The following MYO1D variants were observed in gnomAD, a reference collection of about 807,000 sequenced individuals.
The protein encoded by MYO1D is unconventional myosin-Id.
In MYO1D, 83 loss-of-function variants were observed where a neutral mutation model predicts 122.0. The ratio of observed to expected loss-of-function variants is 0.68; its 90% CI spans 0.57 to 0.82. MYO1D has a LOEUF of 0.82. Among genes scored for constraint, MYO1D ranks in the 40% least tolerant of loss-of-function variants. MYO1D has a pLI of 0.00. For missense variants in MYO1D, 1,157 were observed against 1,269.5 expected (o/e 0.91, Z 1.35); for synonymous variants, 464 against 446.9 (o/e 1.04, Z -0.48).
intron 1 of MYO1D, among the ~76,000 whole-genome samples, chr17:32,854,408 T>C (rs545452265): frequency 6.6e-6 from 1 of 152,230 alleles, no homozygotes; most frequent in East Asian, 1.9e-4. Flanking sequence ...AAAAGCAAAG[T>C]TCCACCTGAA....
intron 14 of MYO1D, among the ~76,000 whole-genome samples, chr17:32,730,005 G>A (rs984181323): frequency 1.3e-5 from 2 of 151,984 alleles, no homozygotes; most frequent in South Asian, 2.1e-4. Context: ...TACATTCAAT[G>A]TAATTACTAA....
intron 1 of MYO1D, among the ~76,000 whole-genome samples, chr17:32,837,844 G>A (rs561794502): frequency 3.3e-5 from 5 of 152,176 alleles, no homozygotes; most frequent in African/African-American, 7.2e-5. Flanking sequence ...TAGTAAAATC[G>A]AAATTACTTT....
intron 1 of MYO1D, among the ~76,000 whole-genome samples, chr17:32,815,976 C>T (rs562493957): frequency 3.9e-4 from 59 of 152,162 alleles, no homozygotes; most frequent in Non-Finnish European, 7.8e-4. Context: ...ATCCTTTATC[C>T]ATGGTAACCT....
rs985723459 is a variant in MYO1D at position 32,876,795 on chromosome 17, C to T, written c.78G>A (p.Met26Ile). 13 of 1,517,266 alleles carry T rather than the reference C, an allele frequency of 8.6e-6. No homozygotes were observed. Among genetic ancestry groups the T allele is most frequent in the Non-Finnish European group, 1.1e-5 (12 of 1,132,850 alleles). The allele number at this position is 1,517,266 out of a possible 1,614,324, so 94.0% of individuals were successfully genotyped here. A position where few individuals can be genotyped will look rare whatever the true frequency, so the allele number is the denominator to read the frequency against. Residue 26 changes from methionine to isoleucine, a missense_variant, in exon 1 of 22, where the codon ATG becomes ATA. Met to Ile is a conservative substitution (Grantham distance 10). Transcript: ENST00000318217. ...GCCCTCACCTGAGCCTGAGGTTGGC[C>T]ATGAACTCGGGCATGGAGACGGTGT... ...LMDTVSMPEF[M>I]ANLRLRFEKG...
chr17:32,790,274 T>C (rs2090336734), intron 1 of MYO1D, among the ~76,000 whole-genome samples: 1 of 152,220 alleles, frequency 6.6e-6, no homozygotes, highest in African/African-American at 2.4e-5. Flanking sequence ...GAAACTTTAA[T>C]CTCAAGCCAA....
intron 1 of MYO1D, among the ~76,000 whole-genome samples, chr17:32,815,264 A>C (rs1301252303): frequency 6.6e-6 from 1 of 152,232 alleles, no homozygotes; most frequent in African/African-American, 2.4e-5. Flanking sequence ...TAAGAGATCC[A>C]TTTTGCTACA....
chr17:32,758,935 T>TTA (rs1225179107), intron 10 of MYO1D, among the ~76,000 whole-genome samples: 2 of 152,158 alleles, frequency 1.3e-5, no homozygotes, highest in Non-Finnish European at 2.9e-5. Flanking sequence ...ACTGCATTAC[T>TTA]TACCCTGTTG....
chr17:32,779,664 GT>G (rs1341174026), intron 2 of MYO1D, among the ~76,000 whole-genome samples: 1 of 151,934 alleles, frequency 6.6e-6, no homozygotes, highest in Non-Finnish European at 1.5e-5. Context: ...TCATATAATT[GT>G]TTTTATTCTC....
At chr17:32,654,644 T>G (rs1451490362) in intron 17 of MYO1D, 23 bp from the exon 18 acceptor site, 1 of 1,554,190 alleles carries the variant, frequency 6.4e-7, no homozygotes, top group East Asian at 2.3e-5. Context: ...AGACAACATG[T>G]ATTAGACTTT....
chr17:32,541,785 C>G (rs1447937647), intron 21 of MYO1D, among the ~76,000 whole-genome samples: 1 of 152,150 alleles, frequency 6.6e-6, no homozygotes, highest in Non-Finnish European at 1.5e-5. Context: ...TAGGACTAGG[C>G]CCCTGCCTAT....
chr17:32,764,443 G>C (rs1051947006), intron 8 of MYO1D, among the ~76,000 whole-genome samples: 1 of 152,134 alleles, frequency 6.6e-6, no homozygotes, highest in Admixed American at 6.5e-5. Flanking sequence ...CAAATAAATG[G>C]TAAGTAGGTG....
chr17:32,808,235 C>T (rs1470108273), intron 1 of MYO1D, among the ~76,000 whole-genome samples: 3 of 151,912 alleles, frequency 2.0e-5, no homozygotes, highest in Non-Finnish European at 2.9e-5. Context: ...ATTACCCAGG[C>T]ATGGTGGTGC....
chr17:32,776,716 G>T (rs2090175408), intron 3 of MYO1D, among the ~76,000 whole-genome samples: 1 of 152,128 alleles, frequency 6.6e-6, no homozygotes, highest in Non-Finnish European at 1.5e-5. Flanking sequence ...CACTAGTTCA[G>T]AAATTGCTCA....
chr17:32,691,272 A>G (rs2150973957), intron 16 of MYO1D, among the ~76,000 whole-genome samples: 1 of 152,030 alleles, frequency 6.6e-6, no homozygotes, highest in Middle Eastern at 3.4e-3. Flanking sequence ...AAAAAAAAAA[A>G]AAAGAACTTA....
At chr17:32,745,034 C>A (rs1246205215) in intron 13 of MYO1D, among the ~76,000 whole-genome samples, 177 bp downstream of exon 13, 1 of 152,096 alleles carries the variant, frequency 6.6e-6, no homozygotes, top group East Asian at 1.9e-4. Context: ...CAGGTCCCTG[C>A]CCAAAATTTA....
At chr17:32,647,687 AT>A (rs10561856) in intron 19 of MYO1D, among the ~76,000 whole-genome samples, 5,255 of 136,286 alleles carry the variant, frequency 0.039, 134 homozygotes, top group African/African-American at 0.1. Context: ...TAGCTTATAC[AT>A]TTTTTTTTTT....
intron 21 of MYO1D, among the ~76,000 whole-genome samples, chr17:32,584,227 C>T (rs954269454): frequency 6.6e-6 from 1 of 152,198 alleles, no homozygotes; most frequent in African/African-American, 2.4e-5. Flanking sequence ...GTGCTTTAAA[C>T]CACTTTCTTT....
intron 21 of MYO1D, among the ~76,000 whole-genome samples, chr17:32,560,052 C>T (rs1353506497): frequency 6.6e-6 from 1 of 152,076 alleles, no homozygotes; most frequent in Non-Finnish European, 1.5e-5. Flanking sequence ...GTCAGGAGTT[C>T]AAGACCAGCC....
intron 15 of MYO1D, among the ~76,000 whole-genome samples, chr17:32,713,058 T>C (rs1482003931): frequency 6.6e-6 from 1 of 152,214 alleles, no homozygotes; most frequent in Non-Finnish European, 1.5e-5. Context: ...TTAACACATG[T>C]AGTCAAATTT....
Sources: allele counts gnomAD v4.1 joint callset (sites outside exome capture counted in the v4.1 genomes callset), GRCh38; gene constraint gnomAD v4.1.1; transcripts MANE v1.5; gene names NCBI Gene and HGNC (gene_info 2026-07-23, HGNC 2026-07-21).